Variants in TAMALIN observed in about 807,000 individuals in gnomAD.
The protein encoded by TAMALIN is trafficking regulator and scaffold protein tamalin.
In TAMALIN, 9 loss-of-function variants were observed where a neutral mutation model predicts 38.5. The ratio of observed to expected loss-of-function variants is 0.23; its 90% CI spans 0.14 to 0.41. TAMALIN has a LOEUF of 0.41. TAMALIN is among the 10% of genes least tolerant of loss of function. The probability of loss-of-function intolerance (pLI) is 1.00; values close to 1 mark genes in which losing one functional copy is unlikely to be tolerated. For missense variants in TAMALIN, 548 were observed against 554.1 expected (o/e 0.99, Z 0.11); for synonymous variants, 306 against 256.5 (o/e 1.19, Z -1.85).
chr12:52,007,409 G>C lies in TAMALIN; in HGVS notation c.246+144G>C. On this transcript the variant is annotated intron_variant, in intron 1 of 7. Coordinates refer to ENST00000293662, the MANE Select transcript of TAMALIN (RefSeq NM_181711.4). The surrounding 1 kb of genome is among the most constrained non-coding windows in gnomAD (Gnocchi z 6.7). ...CCCGCTGGGTGCCTCGACTCCCCGC[G>C]TTCCCCGCTGCTGCGAAGGCCGTGG... 7.9e-7 allele frequency: 1 copy of C among 1,267,266 alleles called. No individual in the cohort carries two copies. Among genetic ancestry groups the C allele is most frequent in the Non-Finnish European group, 9.9e-7 (1 of 1,007,622 alleles). The allele number at this position is 1,267,266 out of a possible 1,614,324, so 78.5% of individuals were successfully genotyped here.
intron 4 of TAMALIN, among the ~76,000 whole-genome samples, chr12:52,012,744 T>C (rs1937680303): frequency 6.6e-6 from 1 of 152,210 alleles, no homozygotes; most frequent in Non-Finnish European, 1.5e-5. Flanking sequence ...CAGGGATCCA[T>C]ACCCCTTTTT....
At chr12:52,012,151 T>C (rs903086375) in intron 4 of TAMALIN, among the ~76,000 whole-genome samples, 1 of 152,168 alleles carries the variant, frequency 6.6e-6, no homozygotes, top group Admixed American at 6.5e-5. Context: ...GATCTTGCTT[T>C]ATAGCAACCC....
Position 52,014,855 on chromosome 12 carries a change from G to C in TAMALIN, c.844G>C (p.Asp282His), listed in dbSNP as rs1937755674. Residue 282 changes from aspartate to histidine, a missense_variant, in exon 8 of 8, where the codon GAC becomes CAC. Around this residue, in one of 3 missense-constraint regions of TAMALIN, gnomAD observed 415 missense variants for 417.0 expected, o/e 1.00. Transcript: ENST00000293662. ...GARRARGDAD[D>H]AVYHTCFFGD... The stretch of plus-strand genomic sequence containing the variant: ...CCGACGGGCCAGGGGCGACGCCGAC[G>C]ACGCCGTCTACCACACGTGCTTCTT... 17 of 1,258,522 alleles carry C rather than the reference G, an allele frequency of 1.4e-5. No homozygotes were observed. Among genetic ancestry groups the C allele is most frequent in the Non-Finnish European group, 1.6e-5 (16 of 998,662 alleles). 78.0% of individuals were successfully genotyped at this position (1,258,522 alleles called of 1,614,324 possible).
chr12:52,010,274 G>A (rs761988643), intron 2 of TAMALIN, among the ~76,000 whole-genome samples: 8 of 152,220 alleles, frequency 5.3e-5, no homozygotes, highest in Non-Finnish European at 1.5e-5. Flanking sequence ...AAGGAAGGGG[G>A]TGGGAGTGGG....
chr12:52,013,413 G>C, intron 4 of TAMALIN: 1 of 434,684 alleles, frequency 2.3e-6, no homozygotes, highest in Non-Finnish European at 4.3e-6. Context: ...AGGGTGTTGG[G>C]TGTGTGAGGT....
Position 52,007,345 on chromosome 12 carries a change from CT to C in TAMALIN, c.246+81del. ...GGGCCTGCTGACTCCGCAGTGCCCTCTCCTCGGCGTCCGCGGAGTCCCCCAC... is the reference window on the plus strand; with the variant it reads ...GGGCCTGCTGACTCCGCAGTGCCCTCCCTCGGCGTCCGCGGAGTCCCCCAC... On this transcript the variant is annotated intron_variant, in intron 1 of 7. Transcript: ENST00000293662. The surrounding 1 kb of genome is among the most constrained non-coding windows in gnomAD (Gnocchi z 6.7). 1 of 1,315,738 alleles carries C rather than the reference CT, an allele frequency of 7.6e-7. No homozygotes were observed. The highest frequency in any genetic ancestry group is 9.7e-7 in the Non-Finnish European group (1 of 1,032,952). The allele number at this position is 1,315,738 out of a possible 1,614,324, so 81.5% of individuals were successfully genotyped here. A position where few individuals can be genotyped will look rare whatever the true frequency, so the allele number is the denominator to read the frequency against.
At chr12:52,008,244 A>C in intron 1 of TAMALIN, 1 of 985,332 alleles carries the variant, frequency 1.0e-6, no homozygotes, top group Non-Finnish European at 1.2e-6. Context: ...AGGGTTAGCA[A>C]AGGCACAGAA....
rs1283731755 is a variant in TAMALIN, at chr12:52,014,946, C to A, written c.935C>A (p.Pro312His). The change falls in exon 8 of 8, where the codon CCC becomes CAC. Residue 312 changes from proline (P) to histidine (H), a missense_variant. Transcript: ENST00000293662. ...PPPARAFGPG[P>H]AETPAVGPGP... ...CCGGCCCGCGCCTTCGGCCCGGGCC[C>A]CGCCGAGACCCCTGCCGTGGGGCCG... is the stretch of plus-strand genomic sequence containing the variant. 2 of 989,524 alleles carry A rather than the reference C, an allele frequency of 2.0e-6. No homozygotes were observed. Among genetic ancestry groups the A allele is most frequent in the Non-Finnish European group, 1.2e-6 (1 of 830,854 alleles). The allele number at this position is 989,524 out of a possible 1,614,324, so 61.3% of individuals were successfully genotyped here.
rs757948828 is a variant in TAMALIN at position 52,014,848 on chromosome 12, C to A, written c.837C>A (p.Asp279Glu). 6 of 1,257,982 alleles carry A rather than the reference C, an allele frequency of 4.8e-6. No homozygotes were observed. The African/African-American group carries it at 4.8e-5, about 10-fold the overall frequency. The allele number at this position is 1,257,982 out of a possible 1,614,324, so 77.9% of individuals were successfully genotyped here. The change falls in exon 8 of 8, where the codon GAC (aspartate) becomes GAA (glutamate). Residue 279 changes from aspartate to glutamate, a missense_variant. Physicochemically the swap from Asp to Glu is conservative, Grantham distance 45. Around this residue, in one of 3 missense-constraint regions of TAMALIN, gnomAD observed 415 missense variants for 417.0 expected, o/e 1.00. Coordinates refer to ENST00000293662, the MANE Select transcript of TAMALIN (RefSeq NM_181711.4). Reference protein sequence around the residue: ...PRGGARRARGDADDAVYHTCF... With the variant: ...PRGGARRARGEADDAVYHTCF... Reference sequence around the variant, plus strand: ...GAGGCGCCCGACGGGCCAGGGGCGACGCCGACGACGCCGTCTACCACACGT... The same window carrying A: ...GAGGCGCCCGACGGGCCAGGGGCGAAGCCGACGACGCCGTCTACCACACGT...
chr12:52,010,648 C>A, intron 2 of TAMALIN: 2 of 1,027,270 alleles, frequency 1.9e-6, no homozygotes, highest in Non-Finnish European at 2.7e-6. Flanking sequence ...CGGCCCTTCT[C>A]TGTGCTTCCC....
chr12:52,013,835 C>T (rs1364149357), intron 5 of TAMALIN, 42 bp from the exon 6 acceptor site: 3 of 1,613,166 alleles, frequency 1.9e-6, no homozygotes, highest in Non-Finnish European at 2.5e-6. Context: ...TTGGTATTTC[C>T]TCAGCCTGTG....
At chr12:52,010,760 T>C in intron 2 of TAMALIN, 121 bp from the exon 3 acceptor site, 1 of 1,120,698 alleles carries the variant, frequency 8.9e-7, no homozygotes, top group Non-Finnish European at 1.3e-6. Flanking sequence ...GACTGAGCTG[T>C]CACTGGAGAC....
At position 52,007,986 on chromosome 12, in the gene TAMALIN, C is replaced by T; in HGVS notation, c.246+721C>T. 1 of 985,398 alleles carries T rather than the reference C, an allele frequency of 1.0e-6. No homozygotes were observed. Among genetic ancestry groups the T allele is most frequent in the South Asian group, 4.7e-5 (1 of 21,288 alleles). The allele number at this position is 985,398 out of a possible 1,614,324, so 61.0% of individuals were successfully genotyped here. On this transcript the variant is annotated intron_variant, in intron 1 of 7. Transcript: ENST00000293662. The surrounding 1 kb of genome is among the most constrained non-coding windows in gnomAD (Gnocchi z 6.7). ...CCTGAGGCTCAGAACCTACACAACA[C>T]CAGGTTAAGAAGAGGGGCCTGGTGG...
At chr12:52,013,971 T>G in intron 6 of TAMALIN, 28 bp downstream of exon 6, 1 of 1,608,774 alleles carries the variant, frequency 6.2e-7, no homozygotes, top group South Asian at 1.1e-5. Context: ...ACGTCCAGCC[T>G]CCACCCTCCT....
At position 52,014,861 on chromosome 12, in the gene TAMALIN, G is replaced by C. The variant is rs1458381013; in HGVS notation, c.850G>C (p.Val284Leu). 1.6e-6 allele frequency: 2 copies of C among 1,268,590 alleles called. 1 individual carries two copies. The highest frequency in any genetic ancestry group is 3.2e-5 in the African/African-American group (2 of 62,466). The allele number at this position is 1,268,590 out of a possible 1,614,324, so 78.6% of individuals were successfully genotyped here. ...RRARGDADDA[V>L]YHTCFFGDSE... ...GGCCAGGGGCGACGCCGACGACGCC[G>C]TCTACCACACGTGCTTCTTCGGGGA... The change falls in exon 8 of 8, where the codon GTC becomes CTC. Residue 284 changes from valine to leucine, a missense_variant. Physicochemically the swap from Val to Leu is conservative, Grantham distance 32 (BLOSUM62 1). Transcript: ENST00000293662.
intron 2 of TAMALIN, among the ~76,000 whole-genome samples, chr12:52,009,646 T>A (rs1942468125): frequency 1.3e-5 from 2 of 152,234 alleles, no homozygotes; most frequent in Admixed American, 1.3e-4. Context: ...TCCAGCTGCT[T>A]GGGGCTGGCT....
intron 4 of TAMALIN, chr12:52,013,393 G>T (rs1055394707): frequency 5.5e-6 from 2 of 364,502 alleles, no homozygotes; most frequent in South Asian, 3.7e-5. Context: ...AACTTCTTGA[G>T]GGCAGAGTGA....
At position 52,015,105 on chromosome 12, in the gene TAMALIN, T is replaced by C. The variant is rs751281622; in HGVS notation, c.1094T>C (p.Leu365Pro). The C allele has an allele frequency of 1.3e-6, 2 of 1,573,312 alleles. No homozygotes were observed. The highest frequency in any genetic ancestry group is 2.3e-5 in the East Asian group (1 of 43,648). The change falls in exon 8 of 8, where the codon CTG becomes CCG. Residue 365 changes from leucine to proline, a missense_variant. Transcript: ENST00000293662. ...GAGCAGGCCCTATGCGGCCCCGGCCTGCGCAAAACCAAGTACCGCAGCTTC... is the reference window on the plus strand; with the variant it reads ...GAGCAGGCCCTATGCGGCCCCGGCCCGCGCAAAACCAAGTACCGCAGCTTC... Reference protein sequence around the residue: ...AREQALCGPGLRKTKYRSFRR... With the variant: ...AREQALCGPGPRKTKYRSFRR...
At position 52,010,953 on chromosome 12, in the gene TAMALIN, CAG is replaced by C. The variant is rs1347017440; in HGVS notation, c.351+19_351+20del. The stretch of plus-strand genomic sequence containing the variant: ...AGATCCAGGTGGGAGAAGCTGCACA[CAG>C]GGGTCAGGGGGGTTGGATGACCAGC... On this transcript the variant is annotated intron_variant, in intron 3 of 7. Coordinates refer to ENST00000293662, the MANE Select transcript of TAMALIN (RefSeq NM_181711.4). The C allele has an allele frequency of 2.5e-6, 4 of 1,614,024 alleles. No homozygotes were observed. The highest frequency in any genetic ancestry group is 2.2e-5 in the East Asian group (1 of 44,896).
Sources: allele counts gnomAD v4.1 joint callset (sites outside exome capture counted in the v4.1 genomes callset), GRCh38; gene constraint gnomAD v4.1.1; regional missense constraint gnomAD v4.1.1; non-coding constraint Gnocchi (gnomAD v3.1); transcripts MANE v1.5; gene names NCBI Gene and HGNC (gene_info 2026-07-23, HGNC 2026-07-21).